EML1: variants seen among roughly 807,000 people sequenced by gnomAD.
EML1 encodes EMAP like 1.
In EML1, 27 loss-of-function variants were observed where a neutral mutation model predicts 110.4. The ratio of observed to expected loss-of-function variants is 0.24; its 90% CI spans 0.18 to 0.34. The LOEUF (loss-of-function observed/expected upper bound fraction) is 0.34. EML1 is among the 10% of genes least tolerant of loss of function. EML1 has a pLI of 1.00. For synonymous variants in EML1, 344 were observed against 385.8 expected, an observed-to-expected ratio of 0.89 and a Z score of 1.27; for missense variants, 741 against 1,030.9, an observed-to-expected ratio of 0.72 and a Z score of 3.85.
chr14:99,740,042 C>T (rs908513513), intron 1 of EML1, among the ~76,000 whole-genome samples: 1 of 152,200 alleles, frequency 6.6e-6, no homozygotes, highest in African/African-American at 2.4e-5. Context: ...GCATGTAACA[C>T]ACCTAAAATA....
At chr14:99,752,597 G>A (rs955258451) in intron 1 of EML1, among the ~76,000 whole-genome samples, 4 of 152,188 alleles carry the variant, frequency 2.6e-5, no homozygotes, top group Non-Finnish European at 5.9e-5. Context: ...GCCCCCTGGG[G>A]AGAGGGTGCT....
At chr14:99,776,418 C>T (rs924018978) in intron 1 of EML1, among the ~76,000 whole-genome samples, 6 of 151,714 alleles carry the variant, frequency 4.0e-5, no homozygotes, top group Non-Finnish European at 7.4e-5. Context: ...GTGGGAGAAT[C>T]GCTTGAACCT....
At chr14:99,899,978 A>C (rs1474724857) in intron 8 of EML1, among the ~76,000 whole-genome samples, 3 of 152,132 alleles carry the variant, frequency 2.0e-5, no homozygotes, top group Admixed American at 6.5e-5. Context: ...ACGCCTGCCT[A>C]GTGTTTCTAC....
At position 99,920,906 on chromosome 14, in the gene EML1, T is replaced by TG. The variant is rs771809635; in HGVS notation, c.1909+29_1909+30insG. Reference sequence around the variant, plus strand: ...AGACTCCAAACCATTCACTACTTTATTTTTTTAATCAACTTTTATTTTAAG... The same window carrying TG: ...AGACTCCAAACCATTCACTACTTTATGTTTTTTAATCAACTTTTATTTTAAG... On this transcript the variant is annotated intron_variant, in intron 17 of 21. Transcript: ENST00000262233. 20 of 1,451,814 alleles carry TG rather than the reference T, an allele frequency of 1.4e-5. No homozygotes were observed. In the African/African-American group the frequency reaches 5.5e-4, roughly 40 times the overall value. 89.9% of individuals were successfully genotyped at this position (1,451,814 alleles called of 1,614,324 possible).
At chr14:99,750,464 T>C in intron 1 of EML1, among the ~76,000 whole-genome samples, 1 of 152,182 alleles carries the variant, frequency 6.6e-6, no homozygotes, top group East Asian at 1.9e-4. Context: ...ATCAGACAGA[T>C]TGCTTTGGCA....
upstream of EML1, among the ~76,000 whole-genome samples, chr14:99,789,522 A>C (rs1215110145): frequency 6.6e-6 from 1 of 152,134 alleles, no homozygotes; most frequent in South Asian, 2.1e-4. Context: ...ATTTCATTTT[A>C]AACCTTGCCA....
upstream of EML1, among the ~76,000 whole-genome samples, chr14:99,788,827 C>T (rs1482959607): frequency 6.6e-6 from 1 of 152,222 alleles, no homozygotes; most frequent in Non-Finnish European, 1.5e-5. Context: ...ATTCCTTCCT[C>T]TCCCCAGCCC....
chr14:99,766,771 A>G (rs986008789), intron 1 of EML1, among the ~76,000 whole-genome samples: 1 of 152,240 alleles, frequency 6.6e-6, no homozygotes, highest in Non-Finnish European at 1.5e-5. Context: ...TAACGAAGCC[A>G]GCTGATTTCC....
chr14:99,836,588 C>G (rs929462709), intron 1 of EML1, among the ~76,000 whole-genome samples: 3 of 152,008 alleles, frequency 2.0e-5, no homozygotes, highest in Admixed American at 1.3e-4. Context: ...TTTAATTGTT[C>G]TTGTCTACTA....
chr14:99,909,324 GA>G lies in EML1; in HGVS notation c.1105-20del, dbSNP rs1229806618. Reference sequence around the variant, plus strand: ...GCGTCTTAAGAGATGTGAGGCATCCGAGTCCCTGTTTTTCCTATAGTGCTCT... The same window carrying G: ...GCGTCTTAAGAGATGTGAGGCATCCGGTCCCTGTTTTTCCTATAGTGCTCT... On this transcript the variant is annotated intron_variant, in intron 10 of 21. Coordinates refer to ENST00000262233, the MANE Select transcript of EML1 (RefSeq NM_004434.3). 1.8e-5 allele frequency: 29 copies of G among 1,613,952 alleles called. No individual in the cohort carries two copies. The highest frequency in any genetic ancestry group is 2.4e-5 in the Non-Finnish European group (28 of 1,180,010).
chr14:99,926,458 T>C (rs1002457371), intron 17 of EML1, among the ~76,000 whole-genome samples: 1 of 151,922 alleles, frequency 6.6e-6, no homozygotes, highest in African/African-American at 2.4e-5. Context: ...CTAATTTTTG[T>C]ATTTTTAGTA....
intron 4 of EML1, among the ~76,000 whole-genome samples, chr14:99,887,220 A>G (rs2059493422): frequency 6.6e-6 from 1 of 152,218 alleles, no homozygotes; most frequent in African/African-American, 2.4e-5. Context: ...ATCTTATATC[A>G]GCTCTCGAAC....
chr14:99,823,599 T>A (rs555712752), intron 1 of EML1, among the ~76,000 whole-genome samples: 2 of 152,256 alleles, frequency 1.3e-5, no homozygotes, highest in African/African-American at 4.8e-5. Flanking sequence ...TCATTCTTCC[T>A]GCGTAGATTG....
chr14:99,890,108 A>G (rs1320114563), intron 4 of EML1, among the ~76,000 whole-genome samples: 1 of 152,194 alleles, frequency 6.6e-6, no homozygotes, highest in African/African-American at 2.4e-5. Context: ...TATTAGGAAT[A>G]TATCTGCTCA....
chr14:99,902,299 G>A (rs986744706), intron 9 of EML1, among the ~76,000 whole-genome samples: 6 of 152,152 alleles, frequency 3.9e-5, no homozygotes, highest in Non-Finnish European at 7.3e-5. Context: ...ATATGGGGTC[G>A]CTAGCTGATT....
At chr14:99,737,860 G>T (rs900291277) in exon 1 of EML1, 1 of 1,289,120 alleles carries the variant, frequency 7.8e-7, no homozygotes, top group Non-Finnish European at 1.0e-6. Flanking sequence ...CCCCTCCGCC[G>T]GTGAGTGGCA....
chr14:99,827,214 G>C lies in EML1; in HGVS notation c.68-23639G>C, dbSNP rs996846502. Among the ~76,000 whole-genome samples the C allele has an allele frequency of 5.9e-5, 9 of 152,030 alleles. No homozygotes were observed. Among genetic ancestry groups the C allele is most frequent in the African/African-American group, 2.2e-4 (9 of 41,396 alleles). On this transcript the variant is annotated intron_variant, in intron 1 of 21. Coordinates refer to ENST00000262233, the MANE Select transcript of EML1 (RefSeq NM_004434.3). The surrounding 1 kb of genome is among the most constrained non-coding windows in gnomAD (Gnocchi z 4.4). The stretch of plus-strand genomic sequence containing the variant: ...AGTCTGGCTAGTGTCCTTATAAGAA[G>C]AGGAGATTAGTCACAGACACGTAGA...
chr14:99,888,604 T>A (rs913218763), intron 4 of EML1, among the ~76,000 whole-genome samples: 3 of 152,224 alleles, frequency 2.0e-5, no homozygotes, highest in African/African-American at 4.8e-5. Flanking sequence ...CTTCTGCTTC[T>A]GCTTAGCACA....
intron 3 of EML1, among the ~76,000 whole-genome samples, chr14:99,876,305 C>G (rs2059290602): frequency 6.6e-6 from 1 of 152,174 alleles, no homozygotes; most frequent in Non-Finnish European, 1.5e-5. Context: ...TTAAGTTCCT[C>G]AGCTCCTGCG....
Sources: allele counts gnomAD v4.1 joint callset (sites outside exome capture counted in the v4.1 genomes callset), GRCh38; gene constraint gnomAD v4.1.1; non-coding constraint Gnocchi (gnomAD v3.1); transcripts MANE v1.5; gene names NCBI Gene and HGNC (gene_info 2026-07-23, HGNC 2026-07-21).